Variants in PTPRK observed in about 807,000 individuals in gnomAD.
PTPRK encodes protein tyrosine phosphatase receptor type K.
A neutral mutation model predicts 178.0 loss-of-function variants in PTPRK; 75 were observed. That is an observed-to-expected ratio of 0.42 (90% CI 0.35 to 0.51). The LOEUF (loss-of-function observed/expected upper bound fraction) is 0.51, where lower values mean the gene tolerates loss of function less well. Ranked by LOEUF, PTPRK falls within the 20% of genes least tolerant of loss-of-function variation. The pLI is 0.02. For synonymous variants in PTPRK, 637 were observed against 620.6 expected, an observed-to-expected ratio of 1.03 and a Z score of -0.39; for missense variants, 1,441 against 1,797.8, an observed-to-expected ratio of 0.80 and a Z score of 3.59.
At chr6:128,169,783 ATGTG>A (rs10552787) in intron 7 of PTPRK, among the ~76,000 whole-genome samples, 61,202 of 145,220 alleles carry the variant, frequency 0.42, 14,227 homozygotes, top group Admixed American at 0.56. Flanking sequence ...TATTTTTTTA[ATGTG>A]TGTGTGTGTG....
At chr6:128,028,636 C>A (rs1774736073) in intron 13 of PTPRK, among the ~76,000 whole-genome samples, 1 of 152,194 alleles carries the variant, frequency 6.6e-6, no homozygotes, top group African/African-American at 2.4e-5. Flanking sequence ...AGGCACACTG[C>A]ATGAAATTAT....
chr6:128,404,537 C>T, intron 1 of PTPRK, among the ~76,000 whole-genome samples: 1 of 152,160 alleles, frequency 6.6e-6, no homozygotes, highest in East Asian at 1.9e-4. Context: ...CAGGTAACCG[C>T]ATATCCATTG....
At chr6:128,259,097 G>A (rs1817788629) in intron 3 of PTPRK, among the ~76,000 whole-genome samples, 3 of 150,592 alleles carry the variant, frequency 2.0e-5, no homozygotes, top group Non-Finnish European at 1.5e-5. Flanking sequence ...TGTTTGAGGA[G>A]GGAGACAGGG....
At chr6:128,277,255 G>A (rs1382319452) in intron 3 of PTPRK, among the ~76,000 whole-genome samples, 2 of 152,130 alleles carry the variant, frequency 1.3e-5, no homozygotes, top group Non-Finnish European at 2.9e-5. Flanking sequence ...ATAAACCAAG[G>A]TAATTTGCAG....
chr6:128,088,137 G>A (rs1363451170), intron 8 of PTPRK, among the ~76,000 whole-genome samples: 1 of 152,116 alleles, frequency 6.6e-6, no homozygotes, highest in Non-Finnish European at 1.5e-5. Flanking sequence ...TAGCACTTTG[G>A]GAGGCGGAGG....
chr6:128,413,619 G>A (rs1462540764), intron 1 of PTPRK, among the ~76,000 whole-genome samples: 1 of 152,138 alleles, frequency 6.6e-6, no homozygotes, highest in Non-Finnish European at 1.5e-5. Flanking sequence ...GAATGGCACG[G>A]CACATTTGAG....
At chr6:128,139,999 C>T (rs1271230074) in intron 7 of PTPRK, among the ~76,000 whole-genome samples, 1 of 152,018 alleles carries the variant, frequency 6.6e-6, no homozygotes, top group East Asian at 1.9e-4. Context: ...CAGACACTGT[C>T]ATTCCATCTC....
At chr6:128,393,947 G>T (rs1036647800) in intron 2 of PTPRK, among the ~76,000 whole-genome samples, 1 of 152,060 alleles carries the variant, frequency 6.6e-6, no homozygotes, top group Non-Finnish European at 1.5e-5. Context: ...ACGCCATCCA[G>T]ATTAAGAAAT....
At chr6:128,434,513 C>A (rs1003533931) in intron 1 of PTPRK, among the ~76,000 whole-genome samples, 1 of 152,112 alleles carries the variant, frequency 6.6e-6, no homozygotes, top group Non-Finnish European at 1.5e-5. Flanking sequence ...AACTGCTTAC[C>A]CTCCTGAAAT....
intron 1 of PTPRK, among the ~76,000 whole-genome samples, chr6:128,425,190 G>C (rs1257469940): frequency 6.6e-6 from 1 of 150,718 alleles, no homozygotes; most frequent in Non-Finnish European, 1.5e-5. Context: ...TGATTCTCCT[G>C]TCTCTGCCTC....
In PTPRK at chr6:128,367,773, G is replaced by A. The variant is rs1835721353; in HGVS notation, c.223+29793C>T. On this transcript the variant is annotated intron_variant, in intron 2 of 29. Transcript: ENST00000368226. ...CTAACTTGGGCCTCATTAATACTAGGTCCCTACATCAAACACAGGTTTCTT... is the reference window on the plus strand; with the variant it reads ...CTAACTTGGGCCTCATTAATACTAGATCCCTACATCAAACACAGGTTTCTT... Among the ~76,000 whole-genome samples the A allele has an allele frequency of 2.0e-5, 3 of 152,070 alleles. No homozygotes were observed. In the South Asian group the frequency reaches 6.2e-4, roughly 32 times the overall value.
chr6:128,503,789 C>T (rs1270752217), intron 1 of PTPRK, among the ~76,000 whole-genome samples: 1 of 151,898 alleles, frequency 6.6e-6, no homozygotes, highest in Non-Finnish European at 1.5e-5. Context: ...CCTCCAGCCT[C>T]AGCCTCCAAA....
At chr6:128,407,049 A>G (rs1841736544) in intron 1 of PTPRK, among the ~76,000 whole-genome samples, 1 of 152,342 alleles carries the variant, frequency 6.6e-6, no homozygotes, top group East Asian at 1.9e-4. Flanking sequence ...GACTCCCTCC[A>G]ATTTCTGCTT....
intron 15 of PTPRK, chr6:128,000,106 G>T: frequency 1.0e-6 from 1 of 972,702 alleles, no homozygotes; most frequent in Non-Finnish European, 1.2e-6. Context: ...GTTTTAAGGG[G>T]TGTTACTTTG....
At chr6:128,426,560 T>C (rs1844164939) in intron 1 of PTPRK, among the ~76,000 whole-genome samples, 1 of 152,234 alleles carries the variant, frequency 6.6e-6, no homozygotes, top group Non-Finnish European at 1.5e-5. Context: ...ACCAAGCTCC[T>C]TCAAATGCTC....
At chr6:128,504,423 A>C (rs1856023750) in intron 1 of PTPRK, among the ~76,000 whole-genome samples, 1 of 152,236 alleles carries the variant, frequency 6.6e-6, no homozygotes, top group South Asian at 2.1e-4. Context: ...AATTGTGAAC[A>C]AACTGTGGAG....
At chr6:128,410,105 C>T (rs1346329489) in intron 1 of PTPRK, among the ~76,000 whole-genome samples, 1 of 152,240 alleles carries the variant, frequency 6.6e-6, no homozygotes, top group South Asian at 2.1e-4. Context: ...CAAGAAGGTA[C>T]ATGGAGGAAG....
At chr6:128,089,657 T>C (rs777260383) in intron 8 of PTPRK, 33 bp downstream of exon 8, 8 of 1,540,480 alleles carry the variant, frequency 5.2e-6, no homozygotes, top group African/African-American at 1.4e-5. Flanking sequence ...GTTAGAGAAT[T>C]CCCCCCTTTT....
At chr6:128,505,399 C>T (rs1328346390) in intron 1 of PTPRK, among the ~76,000 whole-genome samples, 1 of 151,708 alleles carries the variant, frequency 6.6e-6, no homozygotes, top group Non-Finnish European at 1.5e-5. Flanking sequence ...TGAGATCGTG[C>T]CATTGCACTC....
Sources: gnomAD v4.1 joint callset for allele counts (sites outside exome capture counted in the v4.1 genomes callset) on GRCh38, gnomAD v4.1.1 for gene constraint, MANE v1.5 for transcripts, NCBI Gene and HGNC (gene_info 2026-07-23, HGNC 2026-07-21) for gene names.